Variants in GLYATL2 observed in about 807,000 individuals in gnomAD.
The protein encoded by GLYATL2 is glycine-N-acyltransferase like 2, also known as glycine N-acyltransferase-like protein 2.
Under a neutral mutation model 21.4 loss-of-function variants are expected in GLYATL2, and 25 were observed. The ratio of observed to expected loss-of-function variants is 1.17; its 90% confidence interval spans 0.85 to 1.63. The LOEUF is 1.63. Among genes scored for constraint, GLYATL2 ranks in the 40% most tolerant of loss-of-function variants. The pLI is 0.00. For synonymous variants in GLYATL2, 114 were observed against 118.2 expected (o/e 0.96, Z 0.23); for missense variants, 361 against 343.3 (o/e 1.05, Z -0.41).
chr11:58,874,539 G>T (rs532551116), intron 1 of GLYATL2, among the ~76,000 whole-genome samples: 1 of 152,060 alleles, frequency 6.6e-6, no homozygotes. Context: ...CCTTCATTTC[G>T]TTGTGTACCC....
intron 1 of GLYATL2, among the ~76,000 whole-genome samples, chr11:58,869,272 A>G (rs1239778182): frequency 6.6e-6 from 1 of 152,192 alleles, no homozygotes; most frequent in Non-Finnish European, 1.5e-5. Context: ...GCTCCAGTAT[A>G]GTTTGGAATC....
At chr11:58,872,312 G>T (rs890934735) in intron 1 of GLYATL2, among the ~76,000 whole-genome samples, 11 of 152,242 alleles carry the variant, frequency 7.2e-5, no homozygotes, top group East Asian at 1.9e-4. Flanking sequence ...GTCAATTTTG[G>T]CTTTCGTTGC....
At chr11:58,872,420 A>T (rs932099029) in intron 1 of GLYATL2, among the ~76,000 whole-genome samples, 1 of 152,168 alleles carries the variant, frequency 6.6e-6, no homozygotes, top group Non-Finnish European at 1.5e-5. Flanking sequence ...GGTTTTAGGT[A>T]TAACATGTAA....
In GLYATL2 at chr11:58,876,161, C is replaced by T. The variant is rs183372990; in HGVS notation, n.60+27995G>A. Among the ~76,000 whole-genome samples the T allele has an allele frequency of 7.4e-4, 112 of 152,314 alleles. 1 individual carries two copies. Among genetic ancestry groups the T allele is most frequent in the African/African-American group, 2.6e-3 (107 of 41,570 alleles). On this transcript the variant is annotated intron_variant and non_coding_transcript_variant, in intron 1 of 4. Coordinates refer to the GLYATL2 transcript ENST00000533636. ...TCCATCAGGTCTTTTAAGGACTTCT[C>T]TGCATTGGTTATTCTAGTTATCCGT...
chr11:58,879,569 C>A (rs1854295194), intron 1 of GLYATL2, among the ~76,000 whole-genome samples: 1 of 152,042 alleles, frequency 6.6e-6, no homozygotes, highest in African/African-American at 2.4e-5. Flanking sequence ...TGTGAAATAA[C>A]CCAGACCCAA....
intron 1 of GLYATL2, among the ~76,000 whole-genome samples, chr11:58,861,758 T>C (rs1240313727): frequency 6.6e-6 from 1 of 152,090 alleles, no homozygotes; most frequent in Non-Finnish European, 1.5e-5. Flanking sequence ...AAATTTTAAT[T>C]TCCATTTTAA....
intron 1 of GLYATL2, among the ~76,000 whole-genome samples, chr11:58,876,896 A>C (rs1854244435): frequency 6.6e-6 from 1 of 152,378 alleles, no homozygotes; most frequent in East Asian, 1.9e-4. Context: ...GGTAGAGCCT[A>C]CAGAGGCAGG....
rs76967958 is a variant in GLYATL2, at chr11:58,853,491, C to T, written n.61-15123G>A. On this transcript the variant is annotated intron_variant and non_coding_transcript_variant, in intron 1 of 4. Coordinates refer to the GLYATL2 transcript ENST00000533636. ...TCACTGGGGGTCCTGGAACCAATTC[C>T]TCCAGGATACTGAGGGACGACTGTA... 5.1e-3 allele frequency among the ~76,000 whole-genome samples: 776 copies of T among 152,236 alleles called. 6 individuals are homozygous for T. Among genetic ancestry groups the T allele is most frequent in the African/African-American group, 0.018 (740 of 41,542 alleles).
intron 1 of GLYATL2, among the ~76,000 whole-genome samples, chr11:58,870,245 G>A (rs2959154): frequency 6.6e-6 from 1 of 152,104 alleles, no homozygotes; most frequent in East Asian, 1.9e-4. Flanking sequence ...ACTTAAAGAA[G>A]GTAATAGAGT....
intron 1 of GLYATL2, among the ~76,000 whole-genome samples, chr11:58,890,096 C>T (rs950209867): frequency 6.6e-6 from 1 of 151,926 alleles, no homozygotes. Context: ...TAACCCAGCC[C>T]CTTTCCCTCC....
At chr11:58,891,668 G>A (rs1854546181) in intron 1 of GLYATL2, among the ~76,000 whole-genome samples, 1 of 152,128 alleles carries the variant, frequency 6.6e-6, no homozygotes, top group Non-Finnish European at 1.5e-5. Flanking sequence ...AAAAATTAGA[G>A]AAATCACAGT....
upstream of GLYATL2, among the ~76,000 whole-genome samples, chr11:58,844,990 C>T (rs959353295): frequency 2.0e-5 from 3 of 152,032 alleles, no homozygotes; most frequent in Non-Finnish European, 2.9e-5. Context: ...CTCTGGTTGT[C>T]TAAAGTGGAG....
chr11:58,853,166 C>T (rs997597331), intron 1 of GLYATL2, among the ~76,000 whole-genome samples: 2 of 152,090 alleles, frequency 1.3e-5, no homozygotes. Flanking sequence ...TTATACTGAC[C>T]CCAAGATTGT....
At chr11:58,905,470 CG>C, upstream of GLYATL2, 1 of 456,264 alleles carries the variant, frequency 2.2e-6, no homozygotes, top group Non-Finnish European at 4.4e-6. Context: ...AGCACCTTGG[CG>C]GGCTATTCCC....
intron 1 of GLYATL2, among the ~76,000 whole-genome samples, chr11:58,849,844 G>A (rs1167971225): frequency 6.6e-6 from 1 of 152,088 alleles, no homozygotes; most frequent in African/African-American, 2.4e-5. Flanking sequence ...TAGATGACAG[G>A]TTGATGGGTG....
rs545715139 is a variant in GLYATL2, at chr11:58,875,694, C to G, written n.60+28462G>C. Among the ~76,000 whole-genome samples, 112 of 152,314 alleles carry G rather than the reference C, an allele frequency of 7.4e-4. 1 individual carries two copies. The highest frequency in any genetic ancestry group is 2.6e-3 in the African/African-American group (107 of 41,574). ...TGTTGGGCTTCCCTTTGTGTGTAAC[C>G]TGACCTTTCTCTCTGGCTGCCCTCA... On this transcript the variant is annotated intron_variant and non_coding_transcript_variant, in intron 1 of 4. Transcript: ENST00000533636.
At chr11:58,896,799 T>C (rs1414701559) in intron 1 of GLYATL2, among the ~76,000 whole-genome samples, 1 of 152,248 alleles carries the variant, frequency 6.6e-6, no homozygotes, top group Non-Finnish European at 1.5e-5. Flanking sequence ...TTTCCTGCTA[T>C]GACATATTTA....
At chr11:58,883,228 C>T (rs1209663781) in intron 1 of GLYATL2, among the ~76,000 whole-genome samples, 8 of 152,014 alleles carry the variant, frequency 5.3e-5, no homozygotes, top group African/African-American at 7.2e-5. Context: ...TCTTTTATTT[C>T]GTTGAGCAGT....
At chr11:58,853,519 A>T (rs1853777022) in intron 1 of GLYATL2, among the ~76,000 whole-genome samples, 1 of 152,142 alleles carries the variant, frequency 6.6e-6, no homozygotes, top group African/African-American at 2.4e-5. Flanking sequence ...CGACTGTAGT[A>T]TCAACTGGAA....
Sources: allele counts gnomAD v4.1 joint callset (sites outside exome capture counted in the v4.1 genomes callset), GRCh38; gene constraint gnomAD v4.1.1; transcripts MANE v1.5; gene names NCBI Gene and HGNC (gene_info 2026-07-23, HGNC 2026-07-21).